Variants in RYK observed in about 807,000 individuals in gnomAD.
RYK encodes receptor like tyrosine kinase, also known as inactive tyrosine-protein kinase RYK.
A neutral mutation model predicts 70.2 loss-of-function variants in RYK; 21 were observed. That is an observed-to-expected ratio of 0.30 (90% CI 0.21 to 0.43). The LOEUF (loss-of-function observed/expected upper bound fraction) is 0.43. RYK is among the 20% of genes least tolerant of loss of function. The pLI is 1.00. For synonymous variants in RYK, 267 were observed against 278.0 expected (o/e 0.96, Z 0.39); for missense variants, 604 against 753.3 (o/e 0.80, Z 2.32).
At chr3:134,159,874 G>A (rs1004959188) in intron 13 of RYK, among the ~76,000 whole-genome samples, 1 of 152,156 alleles carries the variant, frequency 6.6e-6, no homozygotes, top group African/African-American at 2.4e-5. Context: ...AAGCAATCAG[G>A]TTTATTTAAA....
chr3:134,197,242 A>G (rs549616076), intron 6 of RYK, among the ~76,000 whole-genome samples: 1 of 152,302 alleles, frequency 6.6e-6, no homozygotes, highest in South Asian at 2.1e-4. Flanking sequence ...GAATTGATCT[A>G]TATGAGTTTA....
intron 13 of RYK, among the ~76,000 whole-genome samples, chr3:134,168,854 T>C (rs1189964837): frequency 6.6e-6 from 1 of 152,168 alleles, no homozygotes; most frequent in Non-Finnish European, 1.5e-5. Flanking sequence ...AGCAGACTAC[T>C]TTCCATGGGT....
At chr3:134,178,288 G>A (rs990118893) in intron 10 of RYK, 5 of 404,906 alleles carry the variant, frequency 1.2e-5, no homozygotes, top group Non-Finnish European at 1.7e-5. Flanking sequence ...CACATTCTTG[G>A]TAGGGAAAAA....
chr3:134,191,521 G>A (rs2013640998), intron 8 of RYK, among the ~76,000 whole-genome samples: 1 of 152,180 alleles, frequency 6.6e-6, no homozygotes. Flanking sequence ...ATCCGTCAGA[G>A]AGAAAGTAAC....
rs1431451781 is a variant in RYK at position 134,203,634 on chromosome 3, AT to A, written c.644-761del. Among the ~76,000 whole-genome samples the A allele has an allele frequency of 2.6e-5, 4 of 152,354 alleles. No homozygotes were observed. In the East Asian group the frequency reaches 7.7e-4, roughly 29 times the overall value. On this transcript the variant is annotated intron_variant, in intron 5 of 14. Transcript: ENST00000623711. ...CTTGGATAAGGGTACCTTTACAAAG[AT>A]TAAAAAAAAGAAAGAAAAAAGATTT...
intron 13 of RYK, among the ~76,000 whole-genome samples, chr3:134,165,180 A>AT (rs941982871): frequency 1.1e-4 from 16 of 152,118 alleles, no homozygotes; most frequent in Non-Finnish European, 1.5e-4. Context: ...TTAAAACTTT[A>AT]TTTTTCATTG....
chr3:134,236,842 G>A (rs1050004102), intron 1 of RYK, among the ~76,000 whole-genome samples: 1 of 152,100 alleles, frequency 6.6e-6, no homozygotes, highest in Non-Finnish European at 1.5e-5. Context: ...ACAAGAACAA[G>A]AATGGACAGC....
intron 13 of RYK, among the ~76,000 whole-genome samples, chr3:134,174,944 T>C (rs1281175204): frequency 6.6e-6 from 1 of 152,162 alleles, no homozygotes; most frequent in East Asian, 1.9e-4. Context: ...CTGCCTCTTA[T>C]ATAAGAAAGA....
intron 5 of RYK, among the ~76,000 whole-genome samples, chr3:134,207,153 A>G (rs1312879774): frequency 6.6e-6 from 1 of 152,182 alleles, no homozygotes; most frequent in Non-Finnish European, 1.5e-5. Context: ...AGATTTTCTA[A>G]CCCTCTGCTA....
At chr3:134,194,565 G>C (rs1458741796) in intron 7 of RYK, among the ~76,000 whole-genome samples, 4 of 152,168 alleles carry the variant, frequency 2.6e-5, no homozygotes, top group Non-Finnish European at 4.4e-5. Context: ...GTAGAGGACA[G>C]ATATCTTAAT....
chr3:134,223,254 C>T (rs982345572), intron 1 of RYK, among the ~76,000 whole-genome samples: 6 of 152,142 alleles, frequency 3.9e-5, no homozygotes, highest in African/African-American at 1.2e-4. Flanking sequence ...GAAGTGACTC[C>T]GAAGTTTCAC....
At chr3:134,176,756 A>C (rs1044579330) in intron 11 of RYK, among the ~76,000 whole-genome samples, 2 of 152,036 alleles carry the variant, frequency 1.3e-5, no homozygotes, top group African/African-American at 4.8e-5. Context: ...AACAAAAAAC[A>C]AAAAAACCCT....
intron 2 of RYK, among the ~76,000 whole-genome samples, chr3:134,212,072 A>G (rs2014416420): frequency 6.6e-6 from 1 of 152,222 alleles, no homozygotes; most frequent in Admixed American, 6.5e-5. Flanking sequence ...CAATAAGCAG[A>G]TTCCAAGGTA....
chr3:134,206,109 TC>T (rs2014205427), intron 5 of RYK, among the ~76,000 whole-genome samples: 1 of 152,236 alleles, frequency 6.6e-6, no homozygotes, highest in Non-Finnish European at 1.5e-5. Flanking sequence ...TAATGTTTTT[TC>T]TTTCTTTTCA....
chr3:134,224,885 A>G (rs892498770), intron 1 of RYK, among the ~76,000 whole-genome samples: 2 of 152,254 alleles, frequency 1.3e-5, no homozygotes, highest in African/African-American at 4.8e-5. Flanking sequence ...TATTGGAATA[A>G]AGAGTAATGC....
chr3:134,240,329 C>T (rs2015292731), intron 1 of RYK, among the ~76,000 whole-genome samples: 1 of 152,130 alleles, frequency 6.6e-6, no homozygotes, highest in African/African-American at 2.4e-5. Flanking sequence ...GAGTTGAGAA[C>T]TGCTGAAGCT....
intron 10 of RYK, among the ~76,000 whole-genome samples, chr3:134,182,026 G>A (rs574514751): frequency 2.6e-5 from 4 of 151,958 alleles, no homozygotes; most frequent in African/African-American, 7.3e-5. Flanking sequence ...TTAGCCAGGC[G>A]TGCCTATAGT....
At chr3:134,187,511 CTT>C (rs1381488575) in intron 9 of RYK, among the ~76,000 whole-genome samples, 1 of 152,100 alleles carries the variant, frequency 6.6e-6, no homozygotes, top group Non-Finnish European at 1.5e-5. Context: ...TCACATTTTT[CTT>C]TCTCTCTAGA....
Position 134,178,104 on chromosome 3 carries a change from C to T in RYK, c.1173-31G>A, listed in dbSNP as rs755221666. The T allele has an allele frequency of 4.1e-6, 6 of 1,466,896 alleles. No individual in the cohort carries two copies. In the African/African-American group the frequency reaches 7.3e-5, roughly 18 times the overall value. 90.9% of individuals were successfully genotyped at this position (1,466,896 alleles called of 1,614,324 possible). ...AAATAATAAAAAATTGGGAGAAAGA[C>T]AAAGGAATCCAAAATGTTAGGGGCT... On this transcript the variant is annotated intron_variant, in intron 10 of 14. Transcript: ENST00000623711.
Sources: gnomAD v4.1 joint callset for allele counts (sites outside exome capture counted in the v4.1 genomes callset) on GRCh38, gnomAD v4.1.1 for gene constraint, MANE v1.5 for transcripts, NCBI Gene and HGNC (gene_info 2026-07-23, HGNC 2026-07-21) for gene names.